NKAIN3: variants seen among roughly 807,000 people sequenced by gnomAD.
The protein encoded by NKAIN3 is sodium/potassium-transporting ATPase subunit beta-1-interacting protein 3.
In NKAIN3, 25 loss-of-function variants were observed where a neutral mutation model predicts 30.2. The observed-to-expected ratio is 0.83, with a 90% CI of 0.60 to 1.16. The LOEUF is 1.16. NKAIN3 is among the 50% of genes most tolerant of loss of function. The pLI, the probability that NKAIN3 is intolerant of heterozygous loss-of-function variation, is 0.00. For missense variants in NKAIN3, 225 were observed against 254.1 expected (o/e 0.89, Z 0.78); for synonymous variants, 91 against 89.6 (o/e 1.02, Z -0.09).
intron 3 of NKAIN3, among the ~76,000 whole-genome samples, chr8:62,702,916 T>G (rs893299584): frequency 2.6e-5 from 4 of 152,172 alleles, no homozygotes. Context: ...TAAATGTCAA[T>G]GAAGCCATAT....
At chr8:62,666,412 A>C (rs1191667848) in intron 3 of NKAIN3, among the ~76,000 whole-genome samples, 1 of 152,186 alleles carries the variant, frequency 6.6e-6, no homozygotes, top group Non-Finnish European at 1.5e-5. Flanking sequence ...TATGATTATC[A>C]TTTTATGTTA....
intron 3 of NKAIN3, among the ~76,000 whole-genome samples, chr8:62,683,729 C>T (rs79211203): frequency 1.3e-5 from 2 of 152,180 alleles, no homozygotes; most frequent in East Asian, 3.9e-4. Flanking sequence ...CTCCTTCTGC[C>T]CCACCCTGAG....
chr8:62,763,254 A>G, intron 4 of NKAIN3, among the ~76,000 whole-genome samples: 1 of 142,874 alleles, frequency 7.0e-6, no homozygotes, highest in East Asian at 2.0e-4. Flanking sequence ...AAAAAAAAAA[A>G]AAAAAAACTT....
At chr8:62,775,572 G>A (rs543923996) in intron 4 of NKAIN3, among the ~76,000 whole-genome samples, 14 of 151,912 alleles carry the variant, frequency 9.2e-5, no homozygotes, top group African/African-American at 3.1e-4. Context: ...TACTGCTATT[G>A]CTGTATTCCA....
At chr8:62,880,264 T>C (rs1327276816) in intron 4 of NKAIN3, among the ~76,000 whole-genome samples, 1 of 152,194 alleles carries the variant, frequency 6.6e-6, no homozygotes, top group Non-Finnish European at 1.5e-5. Context: ...CCAAGCTGTC[T>C]GGACGTTTTA....
intron 3 of NKAIN3, among the ~76,000 whole-genome samples, chr8:62,609,084 C>T (rs1586004365): frequency 6.6e-6 from 1 of 152,152 alleles, no homozygotes; most frequent in Non-Finnish European, 1.5e-5. Context: ...TGAGCAGCCT[C>T]TTGCTGCTCA....
intron 1 of NKAIN3, among the ~76,000 whole-genome samples, chr8:62,520,548 T>G (rs1808122793): frequency 6.6e-6 from 1 of 152,274 alleles, no homozygotes; most frequent in Non-Finnish European, 1.5e-5. Context: ...TAAATTTTTA[T>G]CGGCAGTACT....
chr8:62,856,687 C>A lies in NKAIN3; in HGVS notation c.472-61766C>A, dbSNP rs868431140. 12 of 754,644 alleles carry A rather than the reference C, an allele frequency of 1.6e-5. No individual in the cohort carries two copies. The Middle Eastern group carries it at 1.6e-3, about 99-fold the overall frequency. The allele number at this position is 754,644 out of a possible 1,614,324, so 46.7% of individuals were successfully genotyped here. Reference sequence around the variant, plus strand: ...CTGAGTGAGTCATCAGATCTGTGGCCCATCAGGTCTTGGAAACGTTTTTGT... The same window carrying A: ...CTGAGTGAGTCATCAGATCTGTGGCACATCAGGTCTTGGAAACGTTTTTGT... On this transcript the variant is annotated intron_variant, in intron 4 of 6. Coordinates refer to ENST00000623646, the MANE Select transcript of NKAIN3 (RefSeq NM_001304533.3).
intron 5 of NKAIN3, among the ~76,000 whole-genome samples, chr8:62,950,668 A>C (rs1396495139): frequency 2.0e-5 from 3 of 152,312 alleles, no homozygotes; most frequent in Non-Finnish European, 4.4e-5. Context: ...TTTAAAAAAA[A>C]AGAAAAGAAA....
intron 1 of NKAIN3, among the ~76,000 whole-genome samples, chr8:62,421,440 G>A (rs1185936267): frequency 6.6e-6 from 1 of 152,084 alleles, no homozygotes; most frequent in Non-Finnish European, 1.5e-5. Flanking sequence ...TCAAGTCTAA[G>A]TGTGTATGTA....
chr8:62,516,816 C>A (rs781148409), intron 1 of NKAIN3, among the ~76,000 whole-genome samples: 1 of 152,002 alleles, frequency 6.6e-6, no homozygotes, highest in Non-Finnish European at 1.5e-5. Context: ...GTAGATACAC[C>A]AAACTGTCAA....
chr8:62,555,875 C>T (rs939748554), intron 1 of NKAIN3, among the ~76,000 whole-genome samples: 1 of 151,956 alleles, frequency 6.6e-6, no homozygotes, highest in Non-Finnish European at 1.5e-5. Flanking sequence ...AGAAAATAGT[C>T]ACTTCCTGCT....
At chr8:62,445,127 A>G (rs987144502) in intron 1 of NKAIN3, among the ~76,000 whole-genome samples, 25 of 151,678 alleles carry the variant, frequency 1.6e-4, no homozygotes, top group African/African-American at 6.1e-4. Context: ...TGTATTTTTA[A>G]TAGAGACGGG....
intron 4 of NKAIN3, among the ~76,000 whole-genome samples, chr8:62,767,703 C>T (rs532704593): frequency 3.3e-5 from 5 of 151,906 alleles, no homozygotes; most frequent in South Asian, 2.1e-4. Flanking sequence ...TCTGCTAGAC[C>T]GATCTTCTCA....
At position 62,731,399 on chromosome 8, in the gene NKAIN3, ATCTT is replaced by A. The variant is rs376390180; in HGVS notation, c.274-15531_274-15528del. Among the ~76,000 whole-genome samples, 498 of 152,212 alleles carry A rather than the reference ATCTT, an allele frequency of 3.3e-3. 5 individuals are homozygous for A. Among genetic ancestry groups the A allele is most frequent in the African/African-American group, 0.011 (460 of 41,526 alleles). On this transcript the variant is annotated intron_variant, in intron 3 of 6. Transcript: ENST00000623646. ...AACTGTCTTTTCTCTTACACTGAAAATCTTTATTAAATCATTGATGTGATTACTT... is the reference window on the plus strand; with the variant it reads ...AACTGTCTTTTCTCTTACACTGAAAATATTAAATCATTGATGTGATTACTT...
At chr8:62,586,419 C>T (rs1209412007) in intron 2 of NKAIN3, among the ~76,000 whole-genome samples, 1 of 152,164 alleles carries the variant, frequency 6.6e-6, no homozygotes, top group East Asian at 1.9e-4. Context: ...ATATGACTTG[C>T]TTACTATAGC....
intron 1 of NKAIN3, among the ~76,000 whole-genome samples, chr8:62,531,671 T>G (rs1344066816): frequency 1.3e-5 from 2 of 152,170 alleles, no homozygotes; most frequent in Non-Finnish European, 2.9e-5. Flanking sequence ...GTGCATACAT[T>G]TTTTCTGACT....
intron 3 of NKAIN3, among the ~76,000 whole-genome samples, chr8:62,631,522 C>T (rs1420815271): frequency 1.3e-5 from 2 of 152,194 alleles, no homozygotes; most frequent in Non-Finnish European, 2.9e-5. Context: ...AGTGGCTTCT[C>T]ACAGCTTTTG....
chr8:62,831,703 G>A (rs1319728408), intron 4 of NKAIN3, among the ~76,000 whole-genome samples: 1 of 152,034 alleles, frequency 6.6e-6, no homozygotes, highest in African/African-American at 2.4e-5. Flanking sequence ...TAATGAGCAA[G>A]ACCTTCAAGA....
Sources: gnomAD v4.1 joint callset for allele counts (sites outside exome capture counted in the v4.1 genomes callset) on GRCh38, gnomAD v4.1.1 for gene constraint, MANE v1.5 for transcripts, NCBI Gene and HGNC (gene_info 2026-07-23, HGNC 2026-07-21) for gene names.